The following WWOX variants were observed in gnomAD, a reference collection of about 807,000 sequenced individuals.
The protein encoded by WWOX is WW domain-containing oxidoreductase.
In WWOX, 69 loss-of-function variants were observed where a neutral mutation model predicts 46.2. The ratio of observed to expected loss-of-function variants is 1.49; its 90% CI spans 1.23 to 1.82. The LOEUF (loss-of-function observed/expected upper bound fraction) is 1.82. Among genes scored for constraint, WWOX ranks in the 40% most tolerant of loss-of-function variants. WWOX has a pLI of 0.00. For synonymous variants in WWOX, 359 were observed against 202.6 expected, an observed-to-expected ratio of 1.77 and a Z score of -6.56; for missense variants, 919 against 542.6, an observed-to-expected ratio of 1.69 and a Z score of -6.89.
chr16:78,388,330 C>G (rs527488622), intron 6 of WWOX, among the ~76,000 whole-genome samples: 2 of 152,166 alleles, frequency 1.3e-5, no homozygotes, highest in Non-Finnish European at 1.5e-5. Flanking sequence ...TGCGCCCAGC[C>G]GCTCTACTTT....
chr16:78,627,376 C>G (rs1434119976), intron 8 of WWOX, among the ~76,000 whole-genome samples: 1 of 152,174 alleles, frequency 6.6e-6, no homozygotes, highest in Non-Finnish European at 1.5e-5. Flanking sequence ...TAACCCCAAA[C>G]TTGGGCGATT....
chr16:78,448,644 T>A (rs1376888352), intron 8 of WWOX, among the ~76,000 whole-genome samples: 1 of 152,190 alleles, frequency 6.6e-6, no homozygotes, highest in Non-Finnish European at 1.5e-5. Context: ...ACAAATCAGC[T>A]TCTCCACTAA....
chr16:78,454,305 ACTAT>A (rs2083759952), intron 8 of WWOX, among the ~76,000 whole-genome samples: 1 of 152,006 alleles, frequency 6.6e-6, no homozygotes, highest in African/African-American at 2.4e-5. Flanking sequence ...TTTTTGGACC[ACTAT>A]CTAAGTTTTT....
rs191486564 is a variant in WWOX at position 78,975,953 on chromosome 16, C to T, written c.1057-235655C>T. On this transcript the variant is annotated intron_variant, in intron 8 of 8. Coordinates refer to ENST00000566780, the MANE Select transcript of WWOX (RefSeq NM_016373.4). ...CCTGCCACCCTCCATCCCCTGATAC[C>T]CTCCTGCCTTTTAGTTGCCGGTGCT... Among the ~76,000 whole-genome samples, 16 of 152,320 alleles carry T rather than the reference C, an allele frequency of 1.1e-4. No homozygotes were observed. The East Asian group carries it at 2.7e-3, about 26-fold the overall frequency.
intron 5 of WWOX, among the ~76,000 whole-genome samples, chr16:78,365,340 TC>T: frequency 6.6e-6 from 1 of 152,318 alleles, no homozygotes; most frequent in East Asian, 1.9e-4. Context: ...GTTTTGTTTT[TC>T]TTTTTTACTT....
At chr16:78,779,620 G>A (rs2050276136) in intron 8 of WWOX, among the ~76,000 whole-genome samples, 1 of 152,154 alleles carries the variant, frequency 6.6e-6, no homozygotes, top group Non-Finnish European at 1.5e-5. Context: ...TTTTAAGTAG[G>A]AAATTGAAGC....
rs937753624 is a variant in WWOX, at chr16:78,108,296, T to C, written c.108-127T>C. The C allele has an allele frequency of 1.6e-5, 15 of 936,482 alleles. No individual in the cohort carries two copies. The African/African-American group carries it at 1.8e-4, about 12-fold the overall frequency. 58.0% of individuals were successfully genotyped at this position (936,482 alleles called of 1,614,324 possible). A position where few individuals can be genotyped will look rare whatever the true frequency, so the allele number is the denominator to read the frequency against. ...CCCGTAGCTGGGGTCACAGTCCTCT[T>C]TCTCCTTCTTCCCCCTACTTCCTTC... On this transcript the variant is annotated intron_variant, in intron 1 of 8. Coordinates refer to ENST00000566780, the MANE Select transcript of WWOX (RefSeq NM_016373.4).
chr16:78,808,759 T>G (rs2293896), intron 8 of WWOX, among the ~76,000 whole-genome samples: 42,032 of 151,934 alleles, frequency 0.28, 5,847 homozygotes, highest in Middle Eastern at 0.38. Flanking sequence ...TTGAGATGCG[T>G]AGGTTCTAAT....
chr16:78,969,631 A>T (rs996256414), intron 8 of WWOX, among the ~76,000 whole-genome samples: 2 of 152,210 alleles, frequency 1.3e-5, no homozygotes, highest in Non-Finnish European at 2.9e-5. Context: ...ATTTCATGCA[A>T]GGTGCTGTTT....
intron 5 of WWOX, among the ~76,000 whole-genome samples, chr16:78,166,565 TTA>T (rs1412152994): frequency 2.7e-5 from 4 of 148,082 alleles, no homozygotes; most frequent in African/African-American, 4.9e-5. Flanking sequence ...TTTTTCTTTT[TTA>T]TTTTTTTTTT....
intron 8 of WWOX, among the ~76,000 whole-genome samples, chr16:79,060,538 T>A (rs903887913): frequency 6.6e-6 from 1 of 152,334 alleles, no homozygotes; most frequent in Admixed American, 6.5e-5. Flanking sequence ...CACTGACTGG[T>A]GATGAATAGC....
chr16:78,970,087 C>T lies in WWOX; in HGVS notation c.1057-241521C>T, dbSNP rs1212306246. Among the ~76,000 whole-genome samples the T allele has an allele frequency of 2.3e-4, 35 of 152,092 alleles. 1 individual carries two copies. The highest frequency in any genetic ancestry group is 2.3e-3 in the Admixed American group (35 of 15,262). On this transcript the variant is annotated intron_variant, in intron 8 of 8. Transcript: ENST00000566780. Reference sequence around the variant, plus strand: ...GTCTAACGCTCAAATTTCCCAAGTGCCCTCATTTAAGTCTGGACCACGACA... The same window carrying T: ...GTCTAACGCTCAAATTTCCCAAGTGTCCTCATTTAAGTCTGGACCACGACA...
chr16:79,076,930 G>C (rs2048668259), intron 8 of WWOX, among the ~76,000 whole-genome samples: 1 of 152,208 alleles, frequency 6.6e-6, no homozygotes, highest in African/African-American at 2.4e-5. Flanking sequence ...TACCCTGAGA[G>C]AAAGGTGGTA....
intron 8 of WWOX, among the ~76,000 whole-genome samples, chr16:79,122,168 C>T (rs1206201040): frequency 1.3e-5 from 2 of 152,162 alleles, no homozygotes; most frequent in East Asian, 1.9e-4. Context: ...AATCATCCGC[C>T]ACTTGCTTCT....
chr16:79,129,413 C>G (rs776298796), intron 8 of WWOX, among the ~76,000 whole-genome samples: 1 of 147,264 alleles, frequency 6.8e-6, no homozygotes, highest in African/African-American at 2.5e-5. Context: ...CTTGATGTAT[C>G]TATCAAACAC....
chr16:78,767,151 C>G (rs1276003382), intron 8 of WWOX, among the ~76,000 whole-genome samples: 1 of 144,124 alleles, frequency 6.9e-6, no homozygotes, highest in African/African-American at 2.5e-5. Flanking sequence ...GACAGGGTCT[C>G]ACTCTGTTGC....
rs2034108954 is a variant in WWOX at position 78,144,464 on chromosome 16, C to CAT, written c.410-19718_410-19717insTA. Among the ~76,000 whole-genome samples, 2 of 17,962 alleles carry CAT rather than the reference C, an allele frequency of 1.1e-4. 1 individual carries two copies. The highest frequency in any genetic ancestry group is 2.2e-4 in the Non-Finnish European group (2 of 9,170). The allele number at this position is 17,962 out of a possible 152,430, so 11.8% of individuals were successfully genotyped here. On this transcript the variant is annotated intron_variant, in intron 4 of 8. Coordinates refer to ENST00000566780, the MANE Select transcript of WWOX (RefSeq NM_016373.4). ...ATATATATACACATATATATATATA[C>CAT]ACACATATATATATATATATATACA...
intron 8 of WWOX, among the ~76,000 whole-genome samples, chr16:78,621,590 A>ATTTTTTTTT (rs1567442936): frequency 1.2e-4 from 5 of 42,994 alleles, no homozygotes; most frequent in African/African-American, 2.7e-4. Context: ...TGTTGTTCTA[A>ATTTTTTTTT]TCTTTTTTTT....
chr16:78,326,835 T>C (rs891646961), intron 5 of WWOX, among the ~76,000 whole-genome samples: 1 of 152,128 alleles, frequency 6.6e-6, no homozygotes, highest in Non-Finnish European at 1.5e-5. Flanking sequence ...GAAATGTGTT[T>C]CTCCAGTAAA....
Sources: allele counts gnomAD v4.1 joint callset (sites outside exome capture counted in the v4.1 genomes callset), GRCh38; gene constraint gnomAD v4.1.1; transcripts MANE v1.5; gene names NCBI Gene and HGNC (gene_info 2026-07-23, HGNC 2026-07-21).